The following DPP6 variants were observed in gnomAD, a reference collection of about 807,000 sequenced individuals.
The protein encoded by DPP6 is dipeptidyl peptidase like 6, also known as A-type potassium channel modulatory protein DPP6.
In DPP6, 69 loss-of-function variants were observed where a neutral mutation model predicts 122.6. The observed-to-expected ratio is 0.56, with a 90% CI of 0.46 to 0.69. The LOEUF (loss-of-function observed/expected upper bound fraction) is 0.69. Ranked by LOEUF, DPP6 falls within the 30% of genes least tolerant of loss-of-function variation. The pLI is 0.00. For missense variants in DPP6, 928 were observed against 1,116.9 expected, an observed-to-expected ratio of 0.83 and a Z score of 2.41; for synonymous variants, 418 against 433.1, an observed-to-expected ratio of 0.97 and a Z score of 0.43.
intron 8 of DPP6, among the ~76,000 whole-genome samples, chr7:154,751,117 TGGG>T (rs1563169370): frequency 6.6e-6 from 1 of 152,110 alleles, no homozygotes; most frequent in African/African-American, 2.4e-5. Flanking sequence ...ATGGATGTGC[TGGG>T]AGGAAACCTG....
intron 1 of DPP6, among the ~76,000 whole-genome samples, chr7:154,077,282 C>G (rs1386303508): frequency 6.6e-6 from 1 of 152,214 alleles, no homozygotes; most frequent in East Asian, 1.9e-4. Flanking sequence ...TCCATAGACA[C>G]CATATTCAAT....
chr7:154,518,474 T>C (rs1268689161), intron 3 of DPP6, among the ~76,000 whole-genome samples: 1 of 152,204 alleles, frequency 6.6e-6, no homozygotes, highest in African/African-American at 2.4e-5. Context: ...AACAAACCAG[T>C]GTCCATGCCC....
the DPP6 span, among the ~76,000 whole-genome samples, chr7:153,776,698 G>T: frequency 6.6e-6 from 1 of 152,134 alleles, no homozygotes; most frequent in South Asian, 2.1e-4. Flanking sequence ...AGGAAAGGCA[G>T]TCTTTCCAAC....
chr7:154,329,010 T>C (rs760961653), intron 1 of DPP6, among the ~76,000 whole-genome samples: 3 of 152,224 alleles, frequency 2.0e-5, no homozygotes, highest in Non-Finnish European at 2.9e-5. Flanking sequence ...TTTCCATCTT[T>C]CTAACACTTA....
chr7:154,294,966 G>A (rs540094116), intron 1 of DPP6, among the ~76,000 whole-genome samples: 3 of 152,346 alleles, frequency 2.0e-5, no homozygotes, highest in South Asian at 4.1e-4. Context: ...AGGTCATCTG[G>A]TGGCAGGAGG....
chr7:154,213,362 C>T (rs1012179618), intron 1 of DPP6, among the ~76,000 whole-genome samples: 7 of 152,162 alleles, frequency 4.6e-5, no homozygotes, highest in Admixed American at 3.3e-4. Context: ...TAGTCCAGGC[C>T]ATGAAGGCTG....
At chr7:153,910,820 C>G (rs902142843) in intron 1 of DPP6, among the ~76,000 whole-genome samples, 13 of 152,126 alleles carry the variant, frequency 8.5e-5, no homozygotes, top group Non-Finnish European at 1.6e-4. Context: ...ACAGCCAATC[C>G]CCACATCAAC....
In DPP6 at chr7:154,167,115, C is replaced by T. The variant is rs543457344; in HGVS notation, c.243+114052C>T. On this transcript the variant is annotated intron_variant, in intron 1 of 25. Coordinates refer to ENST00000377770, the MANE Select transcript of DPP6 (RefSeq NM_130797.4). ...AAAACAATCTTCAAGAAAACACCAG[C>T]GAACAGACCATTCGTCTTTCCCTGT... is the stretch of plus-strand genomic sequence containing the variant. Among the ~76,000 whole-genome samples the T allele has an allele frequency of 2.1e-3, 320 of 151,636 alleles. 1 individual carries two copies. The highest frequency in any genetic ancestry group is 6.9e-3 in the African/African-American group (284 of 41,118).
intron 1 of DPP6, among the ~76,000 whole-genome samples, chr7:153,924,404 G>A (rs946680168): frequency 2.0e-5 from 3 of 152,112 alleles, no homozygotes; most frequent in African/African-American, 7.2e-5. Context: ...CACTGTGCCC[G>A]GCCTCATTGA....
At chr7:153,810,817 G>C in the DPP6 span, among the ~76,000 whole-genome samples, 1 of 151,778 alleles carries the variant, frequency 6.6e-6, no homozygotes, top group East Asian at 1.9e-4. Context: ...TTCATCAAGA[G>C]TTTAAACATT....
At chr7:154,314,225 A>G (rs1177311626) in intron 1 of DPP6, among the ~76,000 whole-genome samples, 3 of 152,166 alleles carry the variant, frequency 2.0e-5, no homozygotes, top group Non-Finnish European at 2.9e-5. Context: ...TTCTGTATCT[A>G]TGAAATGGGG....
At chr7:154,073,737 G>T (rs1803297551) in intron 1 of DPP6, among the ~76,000 whole-genome samples, 1 of 152,176 alleles carries the variant, frequency 6.6e-6, no homozygotes, top group Non-Finnish European at 1.5e-5. Context: ...AGGAGAAATT[G>T]GTATTCCTGT....
chr7:153,962,592 G>A (rs1445226711), intron 1 of DPP6, among the ~76,000 whole-genome samples: 1 of 152,098 alleles, frequency 6.6e-6, no homozygotes, highest in Non-Finnish European at 1.5e-5. Context: ...TTTTATTTTG[G>A]AACTTCCTAA....
intron 1 of DPP6, among the ~76,000 whole-genome samples, chr7:154,318,082 A>G (rs866456467): frequency 6.6e-6 from 1 of 152,242 alleles, no homozygotes; most frequent in African/African-American, 2.4e-5. Context: ...AAATTTTAAC[A>G]ATATACAGAG....
Position 154,863,965 on chromosome 7 carries a change from G to A in DPP6, c.1715-4030G>A, listed in dbSNP as rs1332234729. Among the ~76,000 whole-genome samples, 1 of 152,128 alleles carries A rather than the reference G, an allele frequency of 6.6e-6. No individual in the cohort carries two copies. Among genetic ancestry groups the A allele is most frequent in the African/African-American group, 2.4e-5 (1 of 41,420 alleles). ...GACGGCAGCTGCAAGAGCACAGGGAGGGGGCGAGGTGGGGCAGAGAGGGGT... is the reference window on the plus strand; with the variant it reads ...GACGGCAGCTGCAAGAGCACAGGGAAGGGGCGAGGTGGGGCAGAGAGGGGT... On this transcript the variant is annotated intron_variant, in intron 17 of 25. Coordinates refer to ENST00000377770, the MANE Select transcript of DPP6 (RefSeq NM_130797.4). This position sits in a 1 kb window ranked among gnomAD's most constrained non-coding sequence, Gnocchi z 4.1.
At chr7:154,279,312 A>G (rs1804352538) in intron 1 of DPP6, among the ~76,000 whole-genome samples, 1 of 152,220 alleles carries the variant, frequency 6.6e-6, no homozygotes, top group Non-Finnish European at 1.5e-5. Flanking sequence ...GGAAACAAGT[A>G]TGGTGAATCC....
chr7:153,912,198 G>C (rs1057188355), intron 1 of DPP6, among the ~76,000 whole-genome samples: 2 of 152,196 alleles, frequency 1.3e-5, no homozygotes, highest in African/African-American at 4.8e-5. Context: ...AAGAAGTTCA[G>C]AGAAGAAAAG....
chr7:154,102,108 G>A (rs1805774899), intron 1 of DPP6, among the ~76,000 whole-genome samples: 1 of 152,086 alleles, frequency 6.6e-6, no homozygotes, highest in African/African-American at 2.4e-5. Context: ...CACACGCACA[G>A]ATTGTCAGGA....
chr7:154,344,005 C>T lies in DPP6; in HGVS notation c.244-102209C>T, dbSNP rs207468851. 5.5e-4 allele frequency among the ~76,000 whole-genome samples: 83 copies of T among 152,168 alleles called. 3 individuals are homozygous for T. In the South Asian group the frequency reaches 0.016, roughly 30 times the overall value. ...TGCTCGGATTATAGGCGTGAGCCAC[C>T]GTGCCCCACCCTCTGCTTCACTTTT... On this transcript the variant is annotated intron_variant, in intron 1 of 25. Coordinates refer to ENST00000377770, the MANE Select transcript of DPP6 (RefSeq NM_130797.4).
Sources: gnomAD v4.1 joint callset for allele counts (sites outside exome capture counted in the v4.1 genomes callset) on GRCh38, gnomAD v4.1.1 for gene constraint, Gnocchi (gnomAD v3.1) non-coding constraint, MANE v1.5 for transcripts, NCBI Gene and HGNC (gene_info 2026-07-23, HGNC 2026-07-21) for gene names.